UST: variants seen among roughly 807,000 people sequenced by gnomAD.
UST encodes chondroitin sulfate 2-O-sulfotransferase.
A neutral mutation model predicts 45.6 loss-of-function variants in UST; 21 were observed. The ratio of observed to expected loss-of-function variants is 0.46; its 90% CI spans 0.33 to 0.66. The LOEUF (loss-of-function observed/expected upper bound fraction) is 0.66. UST is among the 30% of genes least tolerant of loss of function. UST has a pLI of 0.02. For synonymous variants in UST, 215 were observed against 200.6 expected (o/e 1.07, Z -0.61); for missense variants, 463 against 512.4 (o/e 0.90, Z 0.93).
At chr6:148,868,564 G>A (rs1255444363) in intron 1 of UST, among the ~76,000 whole-genome samples, 14 of 152,192 alleles carry the variant, frequency 9.2e-5, no homozygotes, top group African/African-American at 3.4e-4. Flanking sequence ...TTGTTGAAAG[G>A]TAGGACTAAG....
intron 1 of UST, among the ~76,000 whole-genome samples, chr6:148,860,831 T>A (rs1368118659): frequency 1.3e-5 from 2 of 152,222 alleles, no homozygotes; most frequent in Non-Finnish European, 2.9e-5. Flanking sequence ...CAGCCTTGCA[T>A]CCCAGGGATG....
chr6:148,759,498 G>C (rs1272569009), intron 1 of UST, among the ~76,000 whole-genome samples: 2 of 151,548 alleles, frequency 1.3e-5, no homozygotes, highest in Non-Finnish European at 2.9e-5. Context: ...CTGCACTCCA[G>C]CCCGGGCGAC....
At chr6:149,047,975 A>T (rs1186701208) in intron 7 of UST, among the ~76,000 whole-genome samples, 1 of 152,220 alleles carries the variant, frequency 6.6e-6, no homozygotes, top group Non-Finnish European at 1.5e-5. Context: ...TAACAGAAAC[A>T]GTTGCTAATG....
chr6:148,799,941 CTT>C (rs980120969), intron 1 of UST, among the ~76,000 whole-genome samples: 6 of 152,266 alleles, frequency 3.9e-5, no homozygotes, highest in South Asian at 2.1e-4. Context: ...CTTTCTCTCT[CTT>C]GTGTTTTAAT....
At chr6:148,796,715 G>A (rs999178376) in intron 1 of UST, among the ~76,000 whole-genome samples, 34 of 149,600 alleles carry the variant, frequency 2.3e-4, no homozygotes, top group Middle Eastern at 3.6e-3. Context: ...TCAAGGTGAA[G>A]CCCAGGTACA....
chr6:149,065,481 T>C (rs986026888), intron 7 of UST, among the ~76,000 whole-genome samples: 1 of 152,214 alleles, frequency 6.6e-6, no homozygotes, highest in Non-Finnish European at 1.5e-5. Flanking sequence ...AAACCACCTC[T>C]GGTCTTTCCA....
chr6:148,956,982 C>A (rs1398780316), intron 4 of UST, among the ~76,000 whole-genome samples: 1 of 152,090 alleles, frequency 6.6e-6, no homozygotes, highest in Non-Finnish European at 1.5e-5. Flanking sequence ...AGGGATGGGT[C>A]AGCTTTAGAC....
chr6:148,819,636 G>C (rs1777418142), intron 1 of UST, among the ~76,000 whole-genome samples: 1 of 152,150 alleles, frequency 6.6e-6, no homozygotes, highest in South Asian at 2.1e-4. Context: ...TGTATTTTTT[G>C]CTATTGTTTT....
chr6:149,073,091 A>T (rs1159933138), intron 7 of UST, among the ~76,000 whole-genome samples: 2 of 152,234 alleles, frequency 1.3e-5, no homozygotes, highest in Non-Finnish European at 2.9e-5. Flanking sequence ...GTATAAAATT[A>T]AGCATATTTT....
chr6:149,027,250 A>T (rs913623287), intron 7 of UST, among the ~76,000 whole-genome samples: 7 of 152,230 alleles, frequency 4.6e-5, no homozygotes, highest in African/African-American at 9.6e-5. Flanking sequence ...TTCAAATTTT[A>T]ATCCATCAAT....
At chr6:148,875,350 AT>A (rs1554222169) in intron 1 of UST, among the ~76,000 whole-genome samples, 1 of 152,202 alleles carries the variant, frequency 6.6e-6, no homozygotes, top group Non-Finnish European at 1.5e-5. Context: ...ATTGGAAAAA[AT>A]TTTTTGTAAA....
intron 1 of UST, among the ~76,000 whole-genome samples, chr6:148,784,116 A>G (rs1276250775): frequency 2.0e-5 from 3 of 152,194 alleles, no homozygotes; most frequent in Admixed American, 6.5e-5. Context: ...TTTATATGTG[A>G]ATAATTTATG....
intron 5 of UST, among the ~76,000 whole-genome samples, chr6:149,012,726 T>A: frequency 6.6e-6 from 1 of 152,078 alleles, no homozygotes; most frequent in East Asian, 1.9e-4. Context: ...ATTGTTGTTT[T>A]GACTGACATA....
chr6:148,793,167 A>G (rs1053576131), intron 1 of UST, among the ~76,000 whole-genome samples: 1 of 152,176 alleles, frequency 6.6e-6, no homozygotes, highest in Non-Finnish European at 1.5e-5. Context: ...TATTTATTCT[A>G]AAAATGTAGC....
At chr6:148,991,909 T>C (rs1283274630) in intron 5 of UST, among the ~76,000 whole-genome samples, 1 of 152,210 alleles carries the variant, frequency 6.6e-6, no homozygotes, top group African/African-American at 2.4e-5. Context: ...CCCATACTTC[T>C]TCACACAATA....
intron 1 of UST, among the ~76,000 whole-genome samples, chr6:148,755,190 C>A (rs947122461): frequency 1.3e-5 from 2 of 152,002 alleles, no homozygotes; most frequent in South Asian, 4.2e-4. Context: ...TATGAAGCAA[C>A]CAAGGAAATC....
intron 5 of UST, among the ~76,000 whole-genome samples, chr6:148,995,665 TTTG>T (rs1282050206): frequency 1.3e-5 from 2 of 152,246 alleles, no homozygotes; most frequent in Admixed American, 6.5e-5. Context: ...ATATATGGGT[TTTG>T]TTGTTGTTTG....
rs557038654 is a variant in UST, at chr6:148,875,684, G to C, written c.248-11302G>C. 2.0e-4 allele frequency among the ~76,000 whole-genome samples: 31 copies of C among 152,316 alleles called. 1 individual carries two copies. In the South Asian group the frequency reaches 2.3e-3, roughly 11 times the overall value. On this transcript the variant is annotated intron_variant, in intron 1 of 7. Coordinates refer to ENST00000367463, the MANE Select transcript of UST (RefSeq NM_005715.3). Reference sequence around the variant, plus strand: ...CTGGACGTGGTGGCACGCATCTGTAGTCCCAGATACTCGGGAGGCCGAGGC... The same window carrying C: ...CTGGACGTGGTGGCACGCATCTGTACTCCCAGATACTCGGGAGGCCGAGGC...
At chr6:149,045,228 G>T (rs1776381078) in intron 7 of UST, among the ~76,000 whole-genome samples, 1 of 152,190 alleles carries the variant, frequency 6.6e-6, no homozygotes, top group Non-Finnish European at 1.5e-5. Flanking sequence ...CCGTGCATTT[G>T]AAATTTGTCA....
Sources: allele counts gnomAD v4.1 joint callset (sites outside exome capture counted in the v4.1 genomes callset), GRCh38; gene constraint gnomAD v4.1.1; transcripts MANE v1.5; gene names NCBI Gene and HGNC (gene_info 2026-07-23, HGNC 2026-07-21).